KIF16B: variants seen among roughly 807,000 people sequenced by gnomAD.
KIF16B encodes the protein kinesin family member 16B, also known as kinesin-like protein KIF16B.
KIF16B carries 98 observed loss-of-function variants against 156.3 expected under a neutral mutation model. The ratio of observed to expected loss-of-function variants is 0.63; its 90% CI spans 0.53 to 0.74. KIF16B has a LOEUF of 0.74. Ranked by LOEUF, KIF16B falls within the 30% of genes least tolerant of loss-of-function variation. The pLI, the probability that KIF16B is intolerant of heterozygous loss-of-function variation, is 0.00. For synonymous variants in KIF16B, 564 were observed against 583.7 expected, an observed-to-expected ratio of 0.97 and a Z score of 0.49; for missense variants, 1,421 against 1,606.5, an observed-to-expected ratio of 0.88 and a Z score of 1.97.
intron 12 of KIF16B, among the ~76,000 whole-genome samples, chr20:16,434,349 G>A (rs2066585455): frequency 6.6e-6 from 1 of 152,148 alleles, no homozygotes; most frequent in South Asian, 2.1e-4. Flanking sequence ...CAAGGCCCGT[G>A]TAACCACCGT....
chr20:16,548,560 G>A (rs951326087), intron 1 of KIF16B, among the ~76,000 whole-genome samples: 9 of 152,200 alleles, frequency 5.9e-5, no homozygotes, highest in African/African-American at 1.9e-4. Context: ...TAAATGGCGC[G>A]TGCAAGGGAT....
chr20:16,468,133 G>A (rs1431679857), intron 12 of KIF16B, among the ~76,000 whole-genome samples: 1 of 152,140 alleles, frequency 6.6e-6, no homozygotes, highest in African/African-American at 2.4e-5. Flanking sequence ...AAAAAGCCCA[G>A]TTTAAATGTA....
chr20:16,544,854 GATGAATGAATGA>G (rs145984561), intron 1 of KIF16B, among the ~76,000 whole-genome samples: 8 of 151,868 alleles, frequency 5.3e-5, no homozygotes, highest in Non-Finnish European at 7.4e-5. Context: ...GCAAACACTT[GATGAATGAATGA>G]ATGAATGAAT....
intron 17 of KIF16B, among the ~76,000 whole-genome samples, chr20:16,394,439 T>C (rs1460529875): frequency 2.0e-5 from 3 of 151,532 alleles, no homozygotes; most frequent in Non-Finnish European, 4.4e-5. Flanking sequence ...TTTCATCACA[T>C]GTTCCCCAAG....
At chr20:16,365,580 C>T (rs1229084960) in intron 22 of KIF16B, among the ~76,000 whole-genome samples, 4 of 152,290 alleles carry the variant, frequency 2.6e-5, no homozygotes, top group South Asian at 2.1e-4. Flanking sequence ...CTGTTCATGT[C>T]TGCAACACTA....
chr20:16,573,433 C>T lies in KIF16B; in HGVS notation c.-158G>A, dbSNP rs2071532160. The T allele has an allele frequency of 2.7e-6, 2 of 750,674 alleles. No homozygotes were observed. The highest frequency in any genetic ancestry group is 3.5e-5 in the South Asian group (2 of 56,984). The allele number at this position is 750,674 out of a possible 1,614,324, so 46.5% of individuals were successfully genotyped here. A position where few individuals can be genotyped will look rare whatever the true frequency, so the allele number is the denominator to read the frequency against. ...TGGAGTTCCGCGGCAGCCCCACCTG[C>T]CAGGCCACTGAGCATGCCCAGAACG... On this transcript the variant is annotated 5_prime_UTR_variant, in exon 1 of 26. Transcript: ENST00000354981.
At chr20:16,343,590 G>C (rs2064179300) in intron 23 of KIF16B, among the ~76,000 whole-genome samples, 1 of 152,142 alleles carries the variant, frequency 6.6e-6, no homozygotes. Flanking sequence ...ACTAAAAAAA[G>C]TTCTGTCTGA....
Position 16,378,926 on chromosome 20 carries a change from C to A in KIF16B, c.3076G>T (p.Gly1026Cys), listed in dbSNP as rs1190434754. The change falls in exon 19 of 26, where the codon GGC (glycine) becomes TGC (cysteine). Residue 1026 changes from glycine (G) to cysteine (C), a missense_variant. Transcript: ENST00000354981. ...HSALQRHSTL[G>C]MEIEEQRQKL... ...TGCCTCTGCTCTTCAATCTCCATGC[C>A]CAGGGTGGAGTGCCTCTGCAGCGCA... 8 of 1,613,988 alleles carry A rather than the reference C, an allele frequency of 5.0e-6. No homozygotes were observed. Among genetic ancestry groups the A allele is most frequent in the Non-Finnish European group, 6.8e-6 (8 of 1,179,978 alleles).
chr20:16,507,838 ACAGT>A, intron 7 of KIF16B, 116 bp downstream of exon 7: 11 of 1,012,960 alleles, frequency 1.1e-5, no homozygotes, highest in Non-Finnish European at 1.6e-5. Context: ...CAAGAAAATG[ACAGT>A]CAGTCACCTT....
intron 12 of KIF16B, among the ~76,000 whole-genome samples, chr20:16,486,579 G>A (rs984175879): frequency 6.6e-6 from 1 of 152,134 alleles, no homozygotes; most frequent in Non-Finnish European, 1.5e-5. Context: ...ATCCACAGGA[G>A]CTGAACTATA....
At chr20:16,396,657 T>C (rs964670263) in intron 17 of KIF16B, among the ~76,000 whole-genome samples, 2 of 150,884 alleles carry the variant, frequency 1.3e-5, no homozygotes, top group African/African-American at 4.9e-5. Context: ...GCTTTTTTTT[T>C]TTTTTTTTGC....
At chr20:16,541,019 C>G (rs1160233014) in intron 1 of KIF16B, among the ~76,000 whole-genome samples, 1 of 152,144 alleles carries the variant, frequency 6.6e-6, no homozygotes, top group African/African-American at 2.4e-5. Flanking sequence ...CCTCAGTACC[C>G]AGCAAAGTGG....
intron 12 of KIF16B, among the ~76,000 whole-genome samples, chr20:16,440,531 G>GCACACACA (rs1289246735): frequency 5.0e-5 from 4 of 79,440 alleles, no homozygotes; most frequent in Non-Finnish European, 9.9e-5. Context: ...ACACAAGCGC[G>GCACACACA]CGCACACACA....
intron 12 of KIF16B, among the ~76,000 whole-genome samples, chr20:16,482,406 T>TA (rs1407744539): frequency 3.3e-5 from 5 of 152,096 alleles, no homozygotes; most frequent in African/African-American, 1.2e-4. Flanking sequence ...TCCTAGTAAC[T>TA]GTTGCTAGGT....
At chr20:16,524,153 CA>C (rs1419259254) in intron 3 of KIF16B, among the ~76,000 whole-genome samples, 1 of 152,098 alleles carries the variant, frequency 6.6e-6, no homozygotes, top group Non-Finnish European at 1.5e-5. Flanking sequence ...GCAATGGCAA[CA>C]AAAGCAAAAG....
At position 16,471,195 on chromosome 20, in the gene KIF16B, T is replaced by C. The variant is rs554895298; in HGVS notation, c.1302+23096A>G. Reference sequence around the variant, plus strand: ...CCATGAGTTTACAAAATTTAAAAAATTGACCCAACAAAAGCCAATTTTTCA... The same window carrying C: ...CCATGAGTTTACAAAATTTAAAAAACTGACCCAACAAAAGCCAATTTTTCA... On this transcript the variant is annotated intron_variant, in intron 12 of 25. Coordinates refer to ENST00000354981, the MANE Select transcript of KIF16B (RefSeq NM_024704.5). Among the ~76,000 whole-genome samples the C allele has an allele frequency of 8.5e-5, 13 of 152,214 alleles. 1 individual carries two copies. In the South Asian group the frequency reaches 1.9e-3, roughly 22 times the overall value.
intron 25 of KIF16B, among the ~76,000 whole-genome samples, chr20:16,274,151 GCA>G (rs577375653): frequency 2.9e-4 from 44 of 151,304 alleles, no homozygotes; most frequent in African/African-American, 1.0e-3. Flanking sequence ...TTTTAAAATT[GCA>G]CAGTCAGTAT....
intron 25 of KIF16B, among the ~76,000 whole-genome samples, chr20:16,292,047 G>A (rs1035863142): frequency 2.6e-5 from 4 of 152,128 alleles, no homozygotes; most frequent in Non-Finnish European, 5.9e-5. Flanking sequence ...ATTACCAAAT[G>A]ATTTCTTGAT....
At chr20:16,445,100 G>T (rs1376245437) in intron 12 of KIF16B, among the ~76,000 whole-genome samples, 2 of 152,112 alleles carry the variant, frequency 1.3e-5, no homozygotes, top group Admixed American at 1.3e-4. Flanking sequence ...TACTCAGCAG[G>T]CTGTGGCAGG....
Sources: allele counts gnomAD v4.1 joint callset (sites outside exome capture counted in the v4.1 genomes callset), GRCh38; gene constraint gnomAD v4.1.1; transcripts MANE v1.5; gene names NCBI Gene and HGNC (gene_info 2026-07-23, HGNC 2026-07-21).